Variants in SLC13A3 observed in about 807,000 individuals in gnomAD.
SLC13A3 encodes Na(+)/dicarboxylate cotransporter 3.
In SLC13A3, 40 loss-of-function variants were observed where a neutral mutation model predicts 59.0. The observed-to-expected ratio is 0.68, with a 90% CI of 0.53 to 0.88. The LOEUF (loss-of-function observed/expected upper bound fraction) is 0.88, where lower values mean the gene tolerates loss of function less well. Ranked by LOEUF, SLC13A3 falls within the 40% of genes least tolerant of loss-of-function variation. The probability of loss-of-function intolerance (pLI) is 0.00; values close to 1 mark genes in which losing one functional copy is unlikely to be tolerated. For missense variants in SLC13A3, 699 were observed against 783.2 expected, an observed-to-expected ratio of 0.89 and a Z score of 1.28; for synonymous variants, 317 against 330.3, an observed-to-expected ratio of 0.96 and a Z score of 0.44.
chr20:46,635,159 C>G (rs1600593455), intron 1 of SLC13A3, among the ~76,000 whole-genome samples: 1 of 152,126 alleles, frequency 6.6e-6, no homozygotes, highest in Admixed American at 6.5e-5. Context: ...TTGCCATGCT[C>G]CCACCCTTCT....
At position 46,596,338 on chromosome 20, in the gene SLC13A3, C is replaced by G; in HGVS notation, c.613G>C (p.Asp205His). 6.2e-7 allele frequency: 1 copy of G among 1,613,814 alleles called. No individual in the cohort carries two copies. Among genetic ancestry groups the G allele is most frequent in the South Asian group, 1.1e-5 (1 of 91,024 alleles). The part of the protein sequence containing the change: ...MQFLASTEAK[D>H]HPGETEVPLD... ...GGAACCTCTGTCTCCCCAGGGTGGT[C>G]TTTGCTTTAAACAAATCCAAAGAGA... The change falls in exon 5 of 13, where the codon GAC (aspartate) becomes CAC (histidine). Residue 205 changes from aspartate (D) to histidine (H), a missense_variant. Transcript: ENST00000279027.
intron 1 of SLC13A3, among the ~76,000 whole-genome samples, chr20:46,660,666 C>T (rs988298038): frequency 1.4e-4 from 22 of 152,126 alleles, no homozygotes; most frequent in African/African-American, 5.3e-4. Context: ...TGGATCTGTG[C>T]ATTGATGTCT....
intron 10 of SLC13A3, among the ~76,000 whole-genome samples, chr20:46,568,187 A>T (rs1188439404): frequency 6.6e-6 from 1 of 151,980 alleles, no homozygotes; most frequent in Non-Finnish European, 1.5e-5. Flanking sequence ...TGAGGTCAGG[A>T]GTGCGAGATC....
At chr20:46,614,006 A>T (rs1185351982) in intron 1 of SLC13A3, 1 of 347,852 alleles carries the variant, frequency 2.9e-6, no homozygotes, top group African/African-American at 2.1e-5. Context: ...ACTGTTTGAG[A>T]ATGAAATGAA....
At chr20:46,617,739 A>G (rs1023239303) in intron 1 of SLC13A3, among the ~76,000 whole-genome samples, 9 of 152,230 alleles carry the variant, frequency 5.9e-5, no homozygotes, top group Non-Finnish European at 1.0e-4. Context: ...GCCTCCAGGC[A>G]GAAGAACATC....
intron 1 of SLC13A3, among the ~76,000 whole-genome samples, chr20:46,628,041 C>T (rs747417493): frequency 6.6e-6 from 1 of 152,210 alleles, no homozygotes; most frequent in Non-Finnish European, 1.5e-5. Context: ...CAACCTCTGC[C>T]TCTGGGCCTC....
chr20:46,581,080 T>C (rs1695224674), intron 9 of SLC13A3, among the ~76,000 whole-genome samples: 1 of 152,272 alleles, frequency 6.6e-6, no homozygotes, highest in East Asian at 1.9e-4. Flanking sequence ...CCTCTGCTGC[T>C]GCTGTGCACT....
At chr20:46,638,540 A>C (rs1261834872) in intron 1 of SLC13A3, among the ~76,000 whole-genome samples, 3 of 152,234 alleles carry the variant, frequency 2.0e-5, no homozygotes, top group Non-Finnish European at 4.4e-5. Flanking sequence ...TGAAGCCTGG[A>C]GCTGGCCTCT....
chr20:46,662,085 C>A (rs2122914004), intron 1 of SLC13A3, among the ~76,000 whole-genome samples: 1 of 152,328 alleles, frequency 6.6e-6, no homozygotes, highest in Admixed American at 6.5e-5. Context: ...CCATCCATGG[C>A]AGTCTCCTCT....
intron 8 of SLC13A3, chr20:46,583,924 G>A (rs1054415017): frequency 1.1e-5 from 11 of 985,362 alleles, no homozygotes; most frequent in Non-Finnish European, 1.3e-5. Context: ...AGGACCCTAC[G>A]AAGAGGGACT....
In SLC13A3 at chr20:46,563,579, C is replaced by T. The variant is rs565201668; in HGVS notation, c.1495-28G>A. 3.1e-6 allele frequency: 5 copies of T among 1,607,038 alleles called. No individual in the cohort carries two copies. The Admixed American group carries it at 6.7e-5, about 22-fold the overall frequency. On this transcript the variant is annotated intron_variant, in intron 11 of 12. Coordinates refer to ENST00000279027, the MANE Select transcript of SLC13A3 (RefSeq NM_022829.6). ...GGGCCAGGAAAAGGTGGGAGAGACC[C>T]GGAGAGAGACCAACGCAGAGCGACC...
intron 1 of SLC13A3, among the ~76,000 whole-genome samples, chr20:46,614,883 CA>C (rs1034895552): frequency 2.0e-5 from 3 of 152,010 alleles, no homozygotes; most frequent in African/African-American, 7.3e-5. Context: ...CAGTGGTTGC[CA>C]AGGCTAGGGT....
At chr20:46,671,433 C>G (rs535351204), upstream of SLC13A3, among the ~76,000 whole-genome samples, 1 of 152,072 alleles carries the variant, frequency 6.6e-6, no homozygotes, top group Non-Finnish European at 1.5e-5. Context: ...CCTGCACACT[C>G]GTCTCCAAGT....
chr20:46,659,091 CT>C (rs1490248281), intron 1 of SLC13A3, among the ~76,000 whole-genome samples: 1 of 152,020 alleles, frequency 6.6e-6, no homozygotes, highest in Non-Finnish European at 1.5e-5. Flanking sequence ...ATGAACTCTG[CT>C]TTTTTATCTA....
intron 6 of SLC13A3, 109 bp downstream of exon 6, chr20:46,592,295 A>T: frequency 7.4e-7 from 1 of 1,347,456 alleles, no homozygotes; most frequent in Non-Finnish European, 1.0e-6. Flanking sequence ...AAGAAATGAG[A>T]ATACAACATG....
intron 1 of SLC13A3, among the ~76,000 whole-genome samples, chr20:46,668,050 A>G (rs1033453155): frequency 3.9e-5 from 6 of 152,216 alleles, no homozygotes; most frequent in African/African-American, 1.2e-4. Flanking sequence ...CTATTCCCCA[A>G]TCTCTCTCCC....
In SLC13A3 at chr20:46,563,169, G is replaced by A. The variant is rs534179036; in HGVS notation, c.1632+245C>T. Reference sequence around the variant, plus strand: ...ACGAAGTGGGGTCCAGAGGGAAGGGGAAGTTCCTTGCCTCTGGAGCAAATT... The same window carrying A: ...ACGAAGTGGGGTCCAGAGGGAAGGGAAAGTTCCTTGCCTCTGGAGCAAATT... On this transcript the variant is annotated intron_variant, in intron 12 of 12. Coordinates refer to ENST00000279027, the MANE Select transcript of SLC13A3 (RefSeq NM_022829.6). Among the ~76,000 whole-genome samples, 9 of 152,316 alleles carry A rather than the reference G, an allele frequency of 5.9e-5. No homozygotes were observed. The South Asian group carries it at 1.9e-3, about 32-fold the overall frequency.
chr20:46,581,273 A>C (rs1016994647), intron 9 of SLC13A3, among the ~76,000 whole-genome samples: 7 of 152,310 alleles, frequency 4.6e-5, no homozygotes, highest in African/African-American at 1.7e-4. Flanking sequence ...GTTCAACCCC[A>C]GGTGCCAGAA....
At chr20:46,584,096 C>T (rs2146114715) in intron 8 of SLC13A3, 1 of 985,380 alleles carries the variant, frequency 1.0e-6, no homozygotes, top group Non-Finnish European at 1.2e-6. Context: ...ACAGCCCACT[C>T]ACACCAGTGG....
Sources: allele counts gnomAD v4.1 joint callset (sites outside exome capture counted in the v4.1 genomes callset), GRCh38; gene constraint gnomAD v4.1.1; transcripts MANE v1.5; gene names NCBI Gene and HGNC (gene_info 2026-07-23, HGNC 2026-07-21).